ALDH16A1: variants seen among roughly 807,000 people sequenced by gnomAD.
ALDH16A1 encodes aldehyde dehydrogenase 16 family member A1.
In ALDH16A1, 88 loss-of-function variants were observed where a neutral mutation model predicts 96.1. The observed-to-expected ratio is 0.92, with a 90% CI of 0.77 to 1.09. ALDH16A1 has a LOEUF of 1.09. Ranked by LOEUF, ALDH16A1 falls within the 50% of genes least tolerant of loss-of-function variation. ALDH16A1 has a pLI of 0.00. For missense variants in ALDH16A1, 1,250 were observed against 1,112.6 expected (o/e 1.12, Z -1.76); for synonymous variants, 522 against 496.4 (o/e 1.05, Z -0.69).
chr19:49,468,398 C>G lies in ALDH16A1; in HGVS notation c.1956C>G (p.Gly652=), dbSNP rs1400351465. The G allele has an allele frequency of 2.5e-6, 4 of 1,599,442 alleles. No homozygotes were observed. The Admixed American group carries it at 6.7e-5, about 27-fold the overall frequency. The part of the protein sequence containing the change: ...GHTLQVAGLR[G]PVLRLREPLG... ...CCCTGCAGGTAGCCGGGCTGAGAGGCCCTGTGCTGCGCCTGCGGGAGCCGC... is the reference window on the plus strand; with the variant it reads ...CCCTGCAGGTAGCCGGGCTGAGAGGGCCTGTGCTGCGCCTGCGGGAGCCGC... The change falls in exon 15 of 17, where the codon GGC becomes GGG. Residue 652 remains glycine (G), a synonymous_variant. Transcript: ENST00000293350. This position sits in a 1 kb window ranked among gnomAD's most constrained non-coding sequence, Gnocchi z 4.4.
chr19:49,459,807 C>T lies in ALDH16A1; in HGVS notation c.458C>T (p.Ala153Val), dbSNP rs1263292639. The T allele has an allele frequency of 1.9e-6, 3 of 1,613,390 alleles. No homozygotes were observed. The highest frequency in any genetic ancestry group is 2.5e-6 in the Non-Finnish European group (3 of 1,179,900). ...QQLLHYHAIQ[A>V]STQEEALAGW... The stretch of plus-strand genomic sequence containing the variant: ...CTGCTCCACTACCATGCAATCCAGG[C>T]ATCCACCCAGGAGGAGGCACTGGCA... The change falls in exon 4 of 17, where the codon GCA becomes GTA. Residue 153 changes from alanine to valine, a missense_variant. Physicochemically the swap from Ala to Val is moderately conservative, Grantham distance 64 (BLOSUM62 0). Transcript: ENST00000293350. The surrounding 1 kb of genome is among the most constrained non-coding windows in gnomAD (Gnocchi z 4.1).
At chr19:49,466,385 C>T (rs2079199375) in intron 14 of ALDH16A1, 102 bp downstream of exon 14, 10 of 1,224,150 alleles carry the variant, frequency 8.2e-6, no homozygotes, top group African/African-American at 6.5e-5. Context: ...CCAGCCCCAC[C>T]GCCTTCCACG....
Position 49,459,912 on chromosome 19 carries a change from C to T in ALDH16A1, c.499+64C>T. On this transcript the variant is annotated intron_variant, in intron 4 of 16. Transcript: ENST00000293350. The surrounding 1 kb of genome is among the most constrained non-coding windows in gnomAD (Gnocchi z 4.1). ...ACTCAGCAGTGCTAGCTCCAGTCCC[C>T]TCATTCTTTTTCTTTTAGACAGAGT... is the stretch of plus-strand genomic sequence containing the variant. 6.6e-7 allele frequency: 1 copy of T among 1,518,084 alleles called. No individual in the cohort carries two copies. The highest frequency in any genetic ancestry group is 2.4e-5 in the Admixed American group (1 of 41,956). 94.0% of individuals were successfully genotyped at this position (1,518,084 alleles called of 1,614,324 possible). A position where few individuals can be genotyped will look rare whatever the true frequency, so the allele number is the denominator to read the frequency against.
intron 4 of ALDH16A1, 88 bp from the exon 5 acceptor site, chr19:49,460,734 A>C: frequency 9.5e-7 from 1 of 1,056,270 alleles, no homozygotes; most frequent in Non-Finnish European, 1.4e-6. Flanking sequence ...TTTTTTCCTA[A>C]TGTAGCCATG....
chr19:49,460,728 TTC>T lies in ALDH16A1; in HGVS notation c.500-93_500-92del. ...CACACCCGGCCATTTTTTTTTTTTT[TTC>T]CTAATGTAGCCATGGGGTCTTGCCA... On this transcript the variant is annotated intron_variant, in intron 4 of 16. Transcript: ENST00000293350. 7.0e-4 allele frequency: 722 copies of T among 1,035,882 alleles called. 2 individuals carry two copies. The highest frequency in any genetic ancestry group is 8.5e-4 in the Middle Eastern group (3 of 3,526). The allele number at this position is 1,035,882 out of a possible 1,614,324, so 64.2% of individuals were successfully genotyped here. A position where few individuals can be genotyped will look rare whatever the true frequency, so the allele number is the denominator to read the frequency against.
rs1215098173 is a variant in ALDH16A1, at chr19:49,466,149, C to T, written c.1804C>T (p.Arg602Trp). 14 of 1,558,976 alleles carry T rather than the reference C, an allele frequency of 9.0e-6. No homozygotes were observed. The highest frequency in any genetic ancestry group is 1.4e-5 in the African/African-American group (1 of 73,928). ...GGCCCTGGCGGCTGCACTGGAGCGC[C>T]GGAAGTCTACCCTGGCCTCGAGGCT... Reference protein sequence around the residue: ...LWALAAALERRKSTLASRLER... With the variant: ...LWALAAALERWKSTLASRLER... The change falls in exon 14 of 17, where the codon CGG becomes TGG. Residue 602 changes from arginine to tryptophan, a missense_variant. Transcript: ENST00000293350.
chr19:49,458,542 A>G lies in ALDH16A1; in HGVS notation c.147A>G (p.Leu49=), dbSNP rs1212287009. ...CLGHYVNGKW[L]KPEHRNSVPC... The stretch of plus-strand genomic sequence containing the variant: ...GCCACTATGTGAATGGGAAGTGGTT[A>G]AAGCCTGAACACAGAAATTCAGTGC... The change falls in exon 2 of 17, where the codon TTA becomes TTG. Residue 49 remains leucine (L), a synonymous_variant. Transcript: ENST00000293350. 6.4e-7 allele frequency: 1 copy of G among 1,567,528 alleles called. No individual in the cohort carries two copies. The highest frequency in any genetic ancestry group is 1.2e-5 in the South Asian group (1 of 85,650).
At chr19:49,470,231 T>C in intron 16 of ALDH16A1, 75 bp from the exon 17 acceptor site, 1 of 1,557,934 alleles carries the variant, frequency 6.4e-7, no homozygotes, top group Non-Finnish European at 8.8e-7. Flanking sequence ...TCAGTAACAG[T>C]CTTCATCGCG....
rs958226271 is a variant in ALDH16A1 at position 49,459,470 on chromosome 19, A to G, written c.321-200A>G. ...AAAGCTTCAGGGATTTCCGGCGGCC[A>G]AGACCTTTACACAGCATCCTCAGGG... On this transcript the variant is annotated intron_variant, in intron 3 of 16. Transcript: ENST00000293350. The surrounding 1 kb of genome is among the most constrained non-coding windows in gnomAD (Gnocchi z 4.1). Among the ~76,000 whole-genome samples the G allele has an allele frequency of 6.6e-6, 1 of 152,200 alleles. No homozygotes were observed. The highest frequency in any genetic ancestry group is 1.5e-5 in the Non-Finnish European group (1 of 68,048).
chr19:49,469,954 G>A (rs780089258), intron 16 of ALDH16A1: 3 of 212,254 alleles, frequency 1.4e-5, no homozygotes, highest in Non-Finnish European at 2.9e-5. Context: ...GAACTCAAGC[G>A]ATCCTCCCGC....
At chr19:49,461,064 G>A (rs911550889) in intron 5 of ALDH16A1, among the ~76,000 whole-genome samples, 165 bp downstream of exon 5, 11 of 151,166 alleles carry the variant, frequency 7.3e-5, no homozygotes, top group Admixed American at 6.6e-5. Context: ...TCTGAGGGAG[G>A]AGGAGCTGGA....
At chr19:49,465,959 C>T in intron 13 of ALDH16A1, 54 bp downstream of exon 13, 1 of 1,576,532 alleles carries the variant, frequency 6.3e-7, no homozygotes. Flanking sequence ...AGAGGGGAGC[C>T]TGCCCACAGC....
At position 49,468,664 on chromosome 19, in the gene ALDH16A1, T is replaced by TC; in HGVS notation, c.2124+100dup. 6.8e-7 allele frequency: 1 copy of TC among 1,472,758 alleles called. No homozygotes were observed. The highest frequency in any genetic ancestry group is 1.3e-5 in the South Asian group (1 of 79,382). 91.2% of individuals were successfully genotyped at this position (1,472,758 alleles called of 1,614,324 possible). A position where few individuals can be genotyped will look rare whatever the true frequency, so the allele number is the denominator to read the frequency against. On this transcript the variant is annotated intron_variant, in intron 15 of 16. Coordinates refer to ENST00000293350, the MANE Select transcript of ALDH16A1 (RefSeq NM_153329.4). The surrounding 1 kb of genome is among the most constrained non-coding windows in gnomAD (Gnocchi z 4.4). ...CAGGAGCTTGTCTCTTACCCCACCC[T>TC]CCGTGGTACCCATGCTGCCCCCAGC...
Position 49,458,945 on chromosome 19 carries a change from C to G in ALDH16A1, c.194-15C>G, listed in dbSNP as rs917736465. ...GCTACTCCTCCCATCTGAGTCCCCC[C>G]ACTTTTCTCCCCAGGAGAGAACTTG... On this transcript the variant is annotated splice_polypyrimidine_tract_variant and intron_variant, in intron 2 of 16. Transcript: ENST00000293350. The G allele has an allele frequency of 8.1e-6, 13 of 1,606,784 alleles. No individual in the cohort carries two copies. Among genetic ancestry groups the G allele is most frequent in the Admixed American group, 3.4e-5 (2 of 59,434 alleles).
chr19:49,460,911 C>G lies in ALDH16A1; in HGVS notation c.577+12C>G. On this transcript the variant is annotated intron_variant, in intron 5 of 16. Coordinates refer to ENST00000293350, the MANE Select transcript of ALDH16A1 (RefSeq NM_153329.4). ...TGCCCTGGCTGTGGGTAAATGATGG[C>G]CTGGGGGGTCCTGACTCTTGGGTCT... 6.2e-7 allele frequency: 1 copy of G among 1,610,522 alleles called. No homozygotes were observed. The highest frequency in any genetic ancestry group is 8.5e-7 in the Non-Finnish European group (1 of 1,177,748).
chr19:49,468,395 A>G lies in ALDH16A1; in HGVS notation c.1953A>G (p.Arg651=). 1.3e-6 allele frequency: 2 copies of G among 1,599,188 alleles called. No homozygotes were observed. Among genetic ancestry groups the G allele is most frequent in the South Asian group, 1.1e-5 (1 of 90,942 alleles). The change falls in exon 15 of 17, where the codon AGA becomes AGG. Residue 651 remains arginine, a synonymous_variant. Coordinates refer to ENST00000293350, the MANE Select transcript of ALDH16A1 (RefSeq NM_153329.4). This position sits in a 1 kb window ranked among gnomAD's most constrained non-coding sequence, Gnocchi z 4.4. ...TGTCCCTGCAGGTAGCCGGGCTGAG[A>G]GGCCCTGTGCTGCGCCTGCGGGAGC... ...QGHTLQVAGL[R]GPVLRLREPL...
intron 16 of ALDH16A1, chr19:49,470,092 A>G (rs1294504951): frequency 3.5e-6 from 2 of 564,424 alleles, no homozygotes; most frequent in Admixed American, 6.9e-5. Flanking sequence ...TCCTTTCAAC[A>G]TGGGCTGTTA....
rs761092488 is a variant in ALDH16A1, at chr19:49,461,887, G to A, written c.763G>A (p.Gly255Arg). 6.3e-7 allele frequency: 1 copy of A among 1,587,196 alleles called. No individual in the cohort carries two copies. The highest frequency in any genetic ancestry group is 1.1e-5 in the South Asian group (1 of 88,088). The change falls in exon 7 of 17, where the codon GGG (glycine) becomes AGG (arginine). Residue 255 changes from glycine to arginine, a missense_variant. By Grantham distance (125) the Gly-to-Arg change is moderately radical. Coordinates refer to ENST00000293350, the MANE Select transcript of ALDH16A1 (RefSeq NM_153329.4). ...CTGAACTGGGGGGGGTCCCTAGGAA[G>A]GGCGTGCCCTTCGACGGAGCCTGGC... Reference protein sequence around the residue: ...KVAFCGAPEEGRALRRSLAGE... With the variant: ...KVAFCGAPEERRALRRSLAGE...
rs965973741 is a variant in ALDH16A1, at chr19:49,466,274, C to A, written c.1929C>A (p.His643Gln). The change falls in exon 14 of 17, where the codon CAC (histidine) becomes CAA (glutamine). Residue 643 changes from histidine to glutamine, a missense_variant. By Grantham distance (24) the His-to-Gln change is conservative. Transcript: ENST00000293350. ...AWGARVQAQG[H>Q]TLQVAGLRGP... ...GGGCCCGGGTGCAGGCCCAAGGCCA[C>A]ACCCTGCAGGTGAAGGGTCTGTGGG... is the stretch of plus-strand genomic sequence containing the variant. 6.9e-7 allele frequency: 1 copy of A among 1,457,134 alleles called. No individual in the cohort carries two copies. The highest frequency in any genetic ancestry group is 9.1e-7 in the Non-Finnish European group (1 of 1,104,652). 90.3% of individuals were successfully genotyped at this position (1,457,134 alleles called of 1,614,324 possible). A position where few individuals can be genotyped will look rare whatever the true frequency, so the allele number is the denominator to read the frequency against.
Sources: allele counts gnomAD v4.1 joint callset (sites outside exome capture counted in the v4.1 genomes callset), GRCh38; gene constraint gnomAD v4.1.1; non-coding constraint Gnocchi (gnomAD v3.1); transcripts MANE v1.5; gene names NCBI Gene and HGNC (gene_info 2026-07-23, HGNC 2026-07-21).